FYCO1: variants seen among roughly 807,000 people sequenced by gnomAD.
FYCO1 encodes FYVE and coiled-coil domain autophagy adaptor 1.
FYCO1 carries 122 observed loss-of-function variants against 165.1 expected under a neutral mutation model. The ratio of observed to expected loss-of-function variants is 0.74; its 90% CI spans 0.64 to 0.86. The LOEUF (loss-of-function observed/expected upper bound fraction) is 0.86, where lower values mean the gene tolerates loss of function less well. Among genes scored for constraint, FYCO1 ranks in the 40% least tolerant of loss-of-function variants. The pLI is 0.00. For synonymous variants in FYCO1, 648 were observed against 742.5 expected, an observed-to-expected ratio of 0.87 and a Z score of 2.07; for missense variants, 1,702 against 1,810.3, an observed-to-expected ratio of 0.94 and a Z score of 1.09.
chr3:45,946,294 C>T (rs759615800), intron 14 of FYCO1: 236 of 575,378 alleles, frequency 4.1e-4, no homozygotes, highest in Non-Finnish European at 6.3e-4. Flanking sequence ...GCAATTTCCC[C>T]TCAGAATTGG....
rs762929660 is a variant in FYCO1 at position 45,968,480 on chromosome 3, G to A, written c.854C>T (p.Ala285Val). The A allele has an allele frequency of 2.2e-5, 35 of 1,613,874 alleles. No homozygotes were observed. Among genetic ancestry groups the A allele is most frequent in the Admixed American group, 6.7e-5 (4 of 60,000 alleles). ...QTERERGRTA[A>V]EDNVRLTCLV... ...GCAAGTGAGGCGAACGTTGTCCTCC[G>A]CTGCAGTGCGCCCCCTCTCCCTCTC... The change falls in exon 8 of 18, where the codon GCG becomes GTG. Residue 285 changes from alanine to valine, a missense_variant. Coordinates refer to ENST00000296137, the MANE Select transcript of FYCO1 (RefSeq NM_024513.4).
intron 4 of FYCO1, among the ~76,000 whole-genome samples, chr3:45,977,126 T>A (rs887049659): frequency 4.0e-5 from 6 of 151,876 alleles, no homozygotes; most frequent in African/African-American, 1.5e-4. Flanking sequence ...TGGAAAGAGG[T>A]GAGCAAGGCA....
chr3:45,947,648 GCTT>G, intron 14 of FYCO1: 1 of 690,400 alleles, frequency 1.4e-6, no homozygotes, highest in Non-Finnish European at 2.5e-6. Context: ...GGTTTGGAAT[GCTT>G]CTTCTCAGGC....
At chr3:45,954,478 G>A (rs1705204843) in intron 14 of FYCO1, among the ~76,000 whole-genome samples, 1 of 152,176 alleles carries the variant, frequency 6.6e-6, no homozygotes, top group Non-Finnish European at 1.5e-5. Flanking sequence ...AGGTGGGTAG[G>A]TGGTAAGGTG....
At position 45,968,670 on chromosome 3, in the gene FYCO1, T is replaced by C. The variant is rs929907726; in HGVS notation, c.664A>G (p.Ser222Gly). The part of the protein sequence containing the change: ...QEMVSNFDLN[S>G]PLNNEALEGF... ...TCCAATGCCTCGTTGTTTAGGGGGC[T>C]GTTCAGGTCAAAGTTGGACACCATC... The change falls in exon 8 of 18, where the codon AGC (serine) becomes GGC (glycine). Residue 222 changes from serine to glycine, a missense_variant. Coordinates refer to ENST00000296137, the MANE Select transcript of FYCO1 (RefSeq NM_024513.4). The C allele has an allele frequency of 3.1e-6, 5 of 1,614,096 alleles. No individual in the cohort carries two copies. The highest frequency in any genetic ancestry group is 4.2e-6 in the Non-Finnish European group (5 of 1,180,052).
intron 14 of FYCO1, among the ~76,000 whole-genome samples, chr3:45,948,802 C>T (rs1269748497): frequency 6.6e-6 from 1 of 152,146 alleles, no homozygotes; most frequent in Admixed American, 6.5e-5. Flanking sequence ...TGAATCCCTG[C>T]CACTCACCAG....
At chr3:45,939,546 C>A (rs1274666949) in intron 14 of FYCO1, among the ~76,000 whole-genome samples, 2 of 152,140 alleles carry the variant, frequency 1.3e-5, no homozygotes, top group Non-Finnish European at 2.9e-5. Flanking sequence ...CTGCAGACTG[C>A]CTGCAGTACA....
intron 14 of FYCO1, among the ~76,000 whole-genome samples, chr3:45,943,981 A>G (rs1208526513): frequency 1.3e-5 from 2 of 152,246 alleles, no homozygotes; most frequent in Admixed American, 6.5e-5. Context: ...ATTTTAAAAA[A>G]AGGAAGAAAT....
Position 45,995,817 on chromosome 3 carries a change from A to G in FYCO1, c.-208T>C, listed in dbSNP as rs1043221154. 3 of 152,546 alleles carry G rather than the reference A, an allele frequency of 2.0e-5. No individual in the cohort carries two copies. The highest frequency in any genetic ancestry group is 7.2e-5 in the African/African-American group (3 of 41,436). The allele number at this position is 152,546 out of a possible 1,614,324, so 9.4% of individuals were successfully genotyped here. On this transcript the variant is annotated 5_prime_UTR_variant, in exon 1 of 18. Coordinates refer to ENST00000296137, the MANE Select transcript of FYCO1 (RefSeq NM_024513.4). ...TGCTGACGGCCATGACGCGCACACC[A>G]AGAGGGTGGCGGGGGCGGACTACAA... is the stretch of plus-strand genomic sequence containing the variant.
At chr3:45,940,638 G>T (rs1390931536) in intron 14 of FYCO1, among the ~76,000 whole-genome samples, 1 of 152,160 alleles carries the variant, frequency 6.6e-6, no homozygotes, top group African/African-American at 2.4e-5. Context: ...GGGGCACTTG[G>T]ATCTCTCAGG....
intron 14 of FYCO1, among the ~76,000 whole-genome samples, chr3:45,939,060 T>C (rs1188485768): frequency 6.6e-6 from 1 of 152,214 alleles, no homozygotes; most frequent in Non-Finnish European, 1.5e-5. Flanking sequence ...CTCCTCCCCT[T>C]GCTCTGGTCA....
Position 45,968,019 on chromosome 3 carries a change from C to G in FYCO1, c.1315G>C (p.Glu439Gln). 1 of 1,614,152 alleles carries G rather than the reference C, an allele frequency of 6.2e-7. No homozygotes were observed. Among genetic ancestry groups the G allele is most frequent in the South Asian group, 1.1e-5 (1 of 91,082 alleles). Residue 439 changes from glutamate to glutamine, a missense_variant, in exon 8 of 18, where the codon GAG (glutamate) becomes CAG (glutamine). Glu to Gln is a conservative substitution (Grantham distance 29). Coordinates refer to ENST00000296137, the MANE Select transcript of FYCO1 (RefSeq NM_024513.4). ...EQLVKELQLK[E>Q]DARASLERLV... ...CGCTCCAGGCTGGCCCGGGCATCCTCTTTCAGCTGAAGCTCCTTGACCAGC... is the reference window on the plus strand; with the variant it reads ...CGCTCCAGGCTGGCCCGGGCATCCTGTTTCAGCTGAAGCTCCTTGACCAGC...
At chr3:45,974,815 C>CAGAT (rs1706649212) in intron 5 of FYCO1, among the ~76,000 whole-genome samples, 1 of 148,828 alleles carries the variant, frequency 6.7e-6, no homozygotes, top group Non-Finnish European at 1.5e-5. Flanking sequence ...ACCCACCAGT[C>CAGAT]TCCAGTGTGT....
At position 45,966,948 on chromosome 3, in the gene FYCO1, G is replaced by A; in HGVS notation, c.2386C>T (p.Gln796Ter). Residue 796 changes from glutamine to a stop codon, truncating the protein, a stop_gained, in exon 8 of 18, where the codon CAG (glutamine) becomes TAG (stop). Coordinates refer to ENST00000296137, the MANE Select transcript of FYCO1 (RefSeq NM_024513.4). LOFTEE classifies it high-confidence loss of function. The stretch of plus-strand genomic sequence containing the variant: ...TCCAGGGCTGCCCGCATCTTGGCCT[G>A]GAGGTCCACCACCTGAGCCTGCAGC... ...QRLQAQVVDL[Q>*]AKMRAALDDQ... is the part of the protein sequence containing the mutation. 6.2e-7 allele frequency: 1 copy of A among 1,613,618 alleles called. No individual in the cohort carries two copies. The highest frequency in any genetic ancestry group is 8.5e-7 in the Non-Finnish European group (1 of 1,180,024).
chr3:45,934,996 G>A (rs1703818301), intron 15 of FYCO1, among the ~76,000 whole-genome samples: 1 of 152,200 alleles, frequency 6.6e-6, no homozygotes. Flanking sequence ...GCTTGTGAGT[G>A]GGCTAGCTAT....
At chr3:45,966,175 C>G in intron 8 of FYCO1, 102 bp downstream of exon 8, 3 of 1,254,754 alleles carry the variant, frequency 2.4e-6, no homozygotes, top group Non-Finnish European at 3.5e-6. Context: ...AGTACATTCT[C>G]CAGCCCTCAC....
At chr3:45,933,359 G>T (rs1703726439) in intron 15 of FYCO1, among the ~76,000 whole-genome samples, 1 of 152,060 alleles carries the variant, frequency 6.6e-6, no homozygotes, top group African/African-American at 2.4e-5. Flanking sequence ...TTTGAAAGAG[G>T]CAGAAAAAAA....
At position 45,973,231 on chromosome 3, in the gene FYCO1, A is replaced by G. The variant is rs748196083; in HGVS notation, c.396T>C (p.Ser132=). 10 of 1,613,876 alleles carry G rather than the reference A, an allele frequency of 6.2e-6. No individual in the cohort carries two copies. The Admixed American group carries it at 1.7e-4, about 27-fold the overall frequency. The change falls in exon 6 of 18, where the codon AGT becomes AGC. Residue 132 remains serine, a splice_region_variant and synonymous_variant. Transcript: ENST00000296137. ...AGGGGCTTCTTGCATAGTACCAGTC[A>G]CTGCAGAAAAACATGTCAATTATAA... is the stretch of plus-strand genomic sequence containing the variant. ...QQCFMNTKVT[S]DWYYARSPFL... is the part of the protein sequence containing the mutation.
intron 14 of FYCO1, among the ~76,000 whole-genome samples, chr3:45,938,030 T>A (rs955181872): frequency 6.6e-6 from 1 of 152,120 alleles, no homozygotes; most frequent in Non-Finnish European, 1.5e-5. Flanking sequence ...GTAAATACCA[T>A]AAATGAGATA....
Sources: gnomAD v4.1 joint callset for allele counts (sites outside exome capture counted in the v4.1 genomes callset) on GRCh38, gnomAD v4.1.1 for gene constraint, MANE v1.5 for transcripts, NCBI Gene and HGNC (gene_info 2026-07-23, HGNC 2026-07-21) for gene names.